KCNQ1: variants seen among roughly 807,000 people sequenced by gnomAD.
KCNQ1 encodes potassium voltage-gated channel subfamily KQT member 1.
Under a neutral mutation model 72.4 loss-of-function variants are expected in KCNQ1, and 49 were observed. The ratio of observed to expected loss-of-function variants is 0.68; its 90% CI spans 0.54 to 0.86. The LOEUF is 0.86. Among genes scored for constraint, KCNQ1 ranks in the 40% least tolerant of loss-of-function variants. The probability of loss-of-function intolerance (pLI) is 0.00; values close to 1 mark genes in which losing one functional copy is unlikely to be tolerated. For missense variants in KCNQ1, 790 were observed against 945.1 expected, an observed-to-expected ratio of 0.84 and a Z score of 2.15; for synonymous variants, 450 against 412.6, an observed-to-expected ratio of 1.09 and a Z score of -1.10.
chr11:2,612,673 G>A lies in KCNQ1; in HGVS notation c.1393+23819G>A, dbSNP rs552867510. ...TGCATTCTTTAATGTGGTTTCTTTTGGTTCTTTGAACATAGTTATAATACT... is the reference window on the plus strand; with the variant it reads ...TGCATTCTTTAATGTGGTTTCTTTTAGTTCTTTGAACATAGTTATAATACT... On this transcript the variant is annotated intron_variant, in intron 10 of 15. Coordinates refer to ENST00000155840, the MANE Select transcript of KCNQ1 (RefSeq NM_000218.3). The surrounding 1 kb of genome is among the most constrained non-coding windows in gnomAD (Gnocchi z 5.5). 2.5e-6 allele frequency: 1 copy of A among 398,328 alleles called. No individual in the cohort carries two copies. The highest frequency in any genetic ancestry group is 2.1e-5 in the African/African-American group (1 of 48,650). 24.7% of individuals were successfully genotyped at this position (398,328 alleles called of 1,614,324 possible). A position where few individuals can be genotyped will look rare whatever the true frequency, so the allele number is the denominator to read the frequency against.
chr11:2,812,196 ACC>A (rs1391421841), intron 15 of KCNQ1, among the ~76,000 whole-genome samples: 1 of 152,164 alleles, frequency 6.6e-6, no homozygotes, highest in Non-Finnish European at 1.5e-5. Flanking sequence ...GAACAGAAAC[ACC>A]CCTGAAACTT....
chr11:2,779,281 A>G (rs1047317023), intron 15 of KCNQ1, among the ~76,000 whole-genome samples: 3 of 152,194 alleles, frequency 2.0e-5, no homozygotes, highest in Non-Finnish European at 4.4e-5. Context: ...TGCCCGGGGA[A>G]CACGGTGTTT....
intron 7 of KCNQ1, among the ~76,000 whole-genome samples, chr11:2,584,805 T>G (rs2133753927): frequency 6.6e-6 from 1 of 152,234 alleles, no homozygotes; most frequent in South Asian, 2.1e-4. Context: ...GTGGGTCCTT[T>G]GCATCCCATC....
chr11:2,718,307 C>T (rs1387542591), intron 11 of KCNQ1, among the ~76,000 whole-genome samples: 4 of 152,222 alleles, frequency 2.6e-5, no homozygotes, highest in Non-Finnish European at 4.4e-5. Context: ...TGCCTCACCA[C>T]ACTCCATCCC....
At position 2,762,116 on chromosome 11, in the gene KCNQ1, G is replaced by T. The variant is rs1329149583; in HGVS notation, c.1515-6728G>T. Among the ~76,000 whole-genome samples the T allele has an allele frequency of 1.3e-5, 2 of 152,200 alleles. No homozygotes were observed. The highest frequency in any genetic ancestry group is 2.9e-5 in the Non-Finnish European group (2 of 68,026). ...TTCCCTGCCTGCTCCCAGGCTGTTT[G>T]GGGTGATGGAAAGAGGCCAGGACGT... On this transcript the variant is annotated intron_variant, in intron 11 of 15. Coordinates refer to ENST00000155840, the MANE Select transcript of KCNQ1 (RefSeq NM_000218.3). This position sits in a 1 kb window ranked among gnomAD's most constrained non-coding sequence, Gnocchi z 4.3.
intron 1 of KCNQ1, among the ~76,000 whole-genome samples, chr11:2,512,749 CATGG>C (rs1847230366): frequency 6.6e-6 from 1 of 152,160 alleles, no homozygotes; most frequent in Admixed American, 6.5e-5. Flanking sequence ...CACCACTGGT[CATGG>C]AGGCTGGGGG....
At chr11:2,697,046 G>C (rs1285943469) in intron 11 of KCNQ1, 1 of 398,270 alleles carries the variant, frequency 2.5e-6, no homozygotes, top group African/African-American at 2.1e-5. Context: ...ACCCTTTCAG[G>C]AAAGGTCAAA....
intron 13 of KCNQ1, 118 bp from the exon 14 acceptor site, chr11:2,776,868 A>G: frequency 1.0e-6 from 1 of 997,650 alleles, no homozygotes; most frequent in Non-Finnish European, 1.6e-6. Context: ...GTGTCCCCAG[A>G]GTGGGTGGAC....
intron 2 of KCNQ1, among the ~76,000 whole-genome samples, chr11:2,553,924 C>T (rs559709583): frequency 1.9e-4 from 29 of 152,256 alleles, no homozygotes; most frequent in South Asian, 6.2e-4. Context: ...ACCATGTTGG[C>T]CAGGGTGGTC....
chr11:2,844,025 C>A (rs372045814), intron 15 of KCNQ1, among the ~76,000 whole-genome samples: 2 of 152,216 alleles, frequency 1.3e-5, no homozygotes, highest in Non-Finnish European at 1.5e-5. Flanking sequence ...GGCAGCTCCC[C>A]GATGGCACCT....
intron 10 of KCNQ1, chr11:2,649,274 A>G (rs561127677): frequency 3.0e-5 from 12 of 398,296 alleles, no homozygotes; most frequent in East Asian, 1.1e-4. Context: ...ACTGATTTGT[A>G]TACTTTTGTT....
intron 2 of KCNQ1, among the ~76,000 whole-genome samples, chr11:2,570,326 G>A (rs893799979): frequency 6.6e-6 from 1 of 152,000 alleles, no homozygotes; most frequent in Non-Finnish European, 1.5e-5. Context: ...CTGGTGTGGG[G>A]CCCCCTCTGG....
rs1258522154 is a variant in KCNQ1 at position 2,677,771 on chromosome 11, T to G, written c.1514+15690T>G. The stretch of plus-strand genomic sequence containing the variant: ...TCAGTGGATTTACTTTAAGAGATCC[T>G]CCCTTTCCCCCCATTTCCAGCAGGA... On this transcript the variant is annotated intron_variant, in intron 11 of 15. Coordinates refer to ENST00000155840, the MANE Select transcript of KCNQ1 (RefSeq NM_000218.3). This position sits in a 1 kb window ranked among gnomAD's most constrained non-coding sequence, Gnocchi z 4.5. 5.0e-6 allele frequency: 2 copies of G among 398,474 alleles called. No individual in the cohort carries two copies. Among genetic ancestry groups the G allele is most frequent in the African/African-American group, 4.1e-5 (2 of 48,646 alleles). The allele number at this position is 398,474 out of a possible 1,614,324, so 24.7% of individuals were successfully genotyped here.
In KCNQ1 at chr11:2,841,766, G is replaced by A. The variant is rs1403153974; in HGVS notation, c.1795-6001G>A. 2.0e-5 allele frequency among the ~76,000 whole-genome samples: 3 copies of A among 152,352 alleles called. No homozygotes were observed. The East Asian group carries it at 5.8e-4, about 29-fold the overall frequency. Reference sequence around the variant, plus strand: ...GATATTCCCCCACAGTCGTCAGCCAGGGACATGGCGCCCCTGAGGCCCTTG... The same window carrying A: ...GATATTCCCCCACAGTCGTCAGCCAAGGACATGGCGCCCCTGAGGCCCTTG... On this transcript the variant is annotated intron_variant, in intron 15 of 15. Transcript: ENST00000155840.
In KCNQ1 at chr11:2,796,097, C is replaced by T. The variant is rs144097597; in HGVS notation, c.1794+18060C>T. On this transcript the variant is annotated intron_variant, in intron 15 of 15. Coordinates refer to ENST00000155840, the MANE Select transcript of KCNQ1 (RefSeq NM_000218.3). ...TACTTCTACTGCAGCAGCCTAGAAC[C>T]GACACGTGTGAAACCATTGGCTTAT... 1.7e-3 allele frequency among the ~76,000 whole-genome samples: 253 copies of T among 152,340 alleles called. 2 individuals carry two copies. The highest frequency in any genetic ancestry group is 5.8e-3 in the African/African-American group (243 of 41,564).
At chr11:2,843,239 C>T (rs1043838703) in intron 15 of KCNQ1, among the ~76,000 whole-genome samples, 3 of 152,248 alleles carry the variant, frequency 2.0e-5, no homozygotes, top group Admixed American at 6.5e-5. Context: ...TGCCACGAAC[C>T]GCGACCTTAC....
chr11:2,822,463 G>A (rs2134056030), intron 15 of KCNQ1, among the ~76,000 whole-genome samples: 1 of 152,314 alleles, frequency 6.6e-6, no homozygotes, highest in Admixed American at 6.5e-5. Context: ...GAATGCAAGT[G>A]TTTAGTTAGA....
rs1847610367 is a variant in KCNQ1 at position 2,816,185 on chromosome 11, C to T, written c.1795-31582C>T. On this transcript the variant is annotated intron_variant, in intron 15 of 15. Transcript: ENST00000155840. This position sits in a 1 kb window ranked among gnomAD's most constrained non-coding sequence, Gnocchi z 6.8. ...TTGTGGTTGAAGGGTCAGTGGCCAC[C>T]AGAGAGTTCCTGCTGCAGTGTGGAA... is the stretch of plus-strand genomic sequence containing the variant. Among the ~76,000 whole-genome samples, 1 of 152,184 alleles carries T rather than the reference C, an allele frequency of 6.6e-6. No individual in the cohort carries two copies. The highest frequency in any genetic ancestry group is 1.5e-5 in the Non-Finnish European group (1 of 68,032).
chr11:2,601,741 C>A lies in KCNQ1; in HGVS notation c.1393+12887C>A, dbSNP rs557158050. Among the ~76,000 whole-genome samples, 4 of 152,154 alleles carry A rather than the reference C, an allele frequency of 2.6e-5. No homozygotes were observed. The highest frequency in any genetic ancestry group is 9.7e-5 in the African/African-American group (4 of 41,416). On this transcript the variant is annotated intron_variant, in intron 10 of 15. Transcript: ENST00000155840. This position sits in a 1 kb window ranked among gnomAD's most constrained non-coding sequence, Gnocchi z 5.2. ...GATTCATTCCGGTTGTTTTGTATCG[C>A]GACAGTTCATTAAATCATAGTGCTG...
Sources: gnomAD v4.1 joint callset for allele counts (sites outside exome capture counted in the v4.1 genomes callset) on GRCh38, gnomAD v4.1.1 for gene constraint, Gnocchi (gnomAD v3.1) non-coding constraint, MANE v1.5 for transcripts, NCBI Gene and HGNC (gene_info 2026-07-23, HGNC 2026-07-21) for gene names.